TACC2: variants seen among roughly 807,000 people sequenced by gnomAD.
The protein encoded by TACC2 is transforming acidic coiled-coil containing protein 2, also known as transforming acidic coiled-coil-containing protein 2.
TACC2 carries 137 observed loss-of-function variants against 227.3 expected under a neutral mutation model. The observed-to-expected ratio is 0.60, with a 90% confidence interval of 0.52 to 0.69. TACC2 has a LOEUF of 0.69. TACC2 is among the 30% of genes least tolerant of loss of function. The pLI is 0.00. For synonymous variants in TACC2, 1,523 were observed against 1,487.5 expected (o/e 1.02, Z -0.55); for missense variants, 3,470 against 3,694.4 (o/e 0.94, Z 1.57).
chr10:122,024,576 G>T (rs1433436126), intron 2 of TACC2, among the ~76,000 whole-genome samples: 3 of 151,954 alleles, frequency 2.0e-5, no homozygotes, highest in African/African-American at 7.3e-5. Flanking sequence ...CTAACCCCTG[G>T]CAACCACTAT....
At chr10:122,042,756 C>T (rs2074462387) in intron 2 of TACC2, among the ~76,000 whole-genome samples, 1 of 152,190 alleles carries the variant, frequency 6.6e-6, no homozygotes, top group Non-Finnish European at 1.5e-5. Context: ...AACCCAGAGA[C>T]TTACAGCTAA....
At position 122,143,671 on chromosome 10, in the gene TACC2, T is replaced by A; in HGVS notation, c.5799T>A (p.Thr1933=). Residue 1933 remains threonine (T), a synonymous_variant, in exon 7 of 23, where the codon ACT becomes ACA. Coordinates refer to ENST00000369005, the MANE Select transcript of TACC2 (RefSeq NM_206862.4). ...CTGGTGACAGAGTAGAAGCTTCCAC[T>A]CCCTCCTGCCCAGATCCGGCCAAGG... is the stretch of plus-strand genomic sequence containing the variant. ...APAGDRVEAS[T]PSCPDPAKDL... The A allele has an allele frequency of 6.2e-7, 1 of 1,614,002 alleles. No homozygotes were observed. The highest frequency in any genetic ancestry group is 8.5e-7 in the Non-Finnish European group (1 of 1,179,998).
At chr10:122,148,029 C>T (rs1027345180) in intron 7 of TACC2, among the ~76,000 whole-genome samples, 12 of 151,186 alleles carry the variant, frequency 7.9e-5, no homozygotes, top group Admixed American at 3.3e-4. Flanking sequence ...AAGCAAGTTT[C>T]GAAAATGTAA....
chr10:122,190,127 A>T (rs1032747191), intron 7 of TACC2, among the ~76,000 whole-genome samples: 1 of 152,212 alleles, frequency 6.6e-6, no homozygotes, highest in Non-Finnish European at 1.5e-5. Flanking sequence ...ATGTTCACAT[A>T]TGGGTGTATA....
At chr10:122,111,610 C>T (rs1327030257) in intron 5 of TACC2, among the ~76,000 whole-genome samples, 2 of 152,172 alleles carry the variant, frequency 1.3e-5, no homozygotes, top group Admixed American at 1.3e-4. Context: ...CCTGCCTCAG[C>T]CTCCCGAGTA....
intron 1 of TACC2, among the ~76,000 whole-genome samples, chr10:122,008,264 A>ATTATTATTTTAT: frequency 0.26 from 34,408 of 134,564 alleles, 4,915 homozygotes; most frequent in South Asian, 0.49. Context: ...TATTATTATT[A>ATTATTATTTTAT]TTTTTTTTTT....
chr10:122,196,979 G>A (rs1343214126), intron 8 of TACC2, among the ~76,000 whole-genome samples: 1 of 149,552 alleles, frequency 6.7e-6, no homozygotes, highest in Non-Finnish European at 1.5e-5. Context: ...AACTATGCTT[G>A]GCCGGGCATG....
At chr10:122,120,266 G>T (rs2085480130) in intron 5 of TACC2, among the ~76,000 whole-genome samples, 1 of 152,208 alleles carries the variant, frequency 6.6e-6, no homozygotes. Context: ...TTGGGCCAAC[G>T]TGGGCACTGC....
At chr10:122,032,813 G>T (rs1357484339) in intron 2 of TACC2, among the ~76,000 whole-genome samples, 1 of 152,122 alleles carries the variant, frequency 6.6e-6, no homozygotes, top group Non-Finnish European at 1.5e-5. Context: ...ACAAAAATTA[G>T]CCGGGCGTGG....
intron 1 of TACC2, among the ~76,000 whole-genome samples, chr10:122,005,697 TC>T (rs369842085): frequency 0.13 from 14,582 of 113,976 alleles, 1,127 homozygotes; most frequent in Non-Finnish European, 0.18. Flanking sequence ...TTTTTTTTTT[TC>T]TTTTTTTTTT....
rs368643121 is a variant in TACC2, at chr10:122,021,229, GA to G, written c.-45-698del. 7.3e-4 allele frequency among the ~76,000 whole-genome samples: 101 copies of G among 139,294 alleles called. No homozygotes were observed. The East Asian group carries it at 8.0e-3, about 11-fold the overall frequency. 91.4% of individuals were successfully genotyped at this position (139,294 alleles called of 152,430 possible). A position where few individuals can be genotyped will look rare whatever the true frequency, so the allele number is the denominator to read the frequency against. ...GGGCGACAGAGTGAGACTCCATCTC[GA>G]AAAAAAAAAGGCGGGGGGGAAGAAA... On this transcript the variant is annotated intron_variant, in intron 1 of 22. Coordinates refer to ENST00000369005, the MANE Select transcript of TACC2 (RefSeq NM_206862.4).
rs1029876000 is a variant in TACC2 at position 122,210,795 on chromosome 10, C to T, written c.6370C>T (p.Leu2124Phe). The change falls in exon 9 of 23, where the codon CTT (leucine) becomes TTT (phenylalanine). Residue 2124 changes from leucine (L) to phenylalanine (F), a missense_variant. By Grantham distance (22) the Leu-to-Phe change is conservative (BLOSUM62 0). Around this residue, in one of 10 missense-constraint regions of TACC2, gnomAD observed 593 missense variants for 636.6 expected, o/e 0.93. Transcript: ENST00000369005. The surrounding 1 kb of genome is among the most constrained non-coding windows in gnomAD (Gnocchi z 4.6). ...GGGTTCCAGCAGTGCTTCTAGTACC[C>T]TTAAGCGAACTAAAAAACCGAGGCC... is the stretch of plus-strand genomic sequence containing the variant. ...STGSSSASST[L>F]KRTKKPRPPS... The T allele has an allele frequency of 1.9e-6, 3 of 1,613,126 alleles. No homozygotes were observed. Among genetic ancestry groups the T allele is most frequent in the Non-Finnish European group, 2.5e-6 (3 of 1,179,852 alleles).
chr10:122,009,866 C>T (rs1249830891), intron 1 of TACC2, among the ~76,000 whole-genome samples: 1 of 152,126 alleles, frequency 6.6e-6, no homozygotes, highest in Non-Finnish European at 1.5e-5. Context: ...GCGGAGGTTG[C>T]AGTGAGCCAA....
At position 122,084,587 on chromosome 10, in the gene TACC2, A is replaced by G. The variant is rs767604128; in HGVS notation, c.2087A>G (p.Lys696Arg). The change falls in exon 4 of 23, where the codon AAA becomes AGA. Residue 696 changes from lysine (K) to arginine (R), a missense_variant. By Grantham distance (26) the Lys-to-Arg change is conservative. This residue lies in a region of TACC2 where 1,924 missense variants were observed against 1,978.3 expected (regional missense o/e 0.97). Transcript: ENST00000369005. ...AIWEGSGLQP[K>R]CPDTLQSREG... Reference sequence around the variant, plus strand: ...TGGGAGGGGTCAGGATTGCAGCCCAAATGTCCTGACACCCTTCAGAGCAGG... The same window carrying G: ...TGGGAGGGGTCAGGATTGCAGCCCAGATGTCCTGACACCCTTCAGAGCAGG... 20 of 1,613,728 alleles carry G rather than the reference A, an allele frequency of 1.2e-5. No individual in the cohort carries two copies. Among genetic ancestry groups the G allele is most frequent in the Admixed American group, 6.7e-5 (4 of 60,008 alleles).
intron 11 of TACC2, among the ~76,000 whole-genome samples, chr10:122,222,938 G>A (rs1376110709): frequency 6.6e-6 from 1 of 151,936 alleles, no homozygotes; most frequent in African/African-American, 2.4e-5. Flanking sequence ...TAATAGAACA[G>A]TAAAATGATA....
intron 11 of TACC2, 128 bp from the exon 12 acceptor site, chr10:122,224,598 C>A: frequency 1.3e-6 from 1 of 751,796 alleles, no homozygotes; most frequent in Non-Finnish European, 2.3e-6. Context: ...AGACAGTGGG[C>A]ACCGTCAGAA....
chr10:122,048,335 C>T (rs901140051), intron 2 of TACC2, among the ~76,000 whole-genome samples: 1 of 151,916 alleles, frequency 6.6e-6, no homozygotes, highest in Non-Finnish European at 1.5e-5. Flanking sequence ...GGTCTGTCTC[C>T]CTAGACTGTG....
intron 8 of TACC2, among the ~76,000 whole-genome samples, chr10:122,195,833 C>G (rs777350833): frequency 4.6e-5 from 7 of 152,204 alleles, no homozygotes; most frequent in Non-Finnish European, 7.3e-5. Context: ...TCACAGGAGA[C>G]TGGAAGAGAT....
chr10:122,073,819 A>T (rs1246264412), intron 3 of TACC2, among the ~76,000 whole-genome samples: 1 of 152,034 alleles, frequency 6.6e-6, no homozygotes, highest in Admixed American at 6.6e-5. Flanking sequence ...TTGCTTTGTC[A>T]GCCAGGCTGG....
Sources: gnomAD v4.1 joint callset for allele counts (sites outside exome capture counted in the v4.1 genomes callset) on GRCh38, gnomAD v4.1.1 for gene constraint, gnomAD v4.1.1 regional missense constraint, Gnocchi (gnomAD v3.1) non-coding constraint, MANE v1.5 for transcripts, NCBI Gene and HGNC (gene_info 2026-07-23, HGNC 2026-07-21) for gene names.